Variants in CSPP1 observed in about 807,000 individuals in gnomAD.
CSPP1 encodes centrosome and spindle pole associated protein 1.
In CSPP1, 126 loss-of-function variants were observed where a neutral mutation model predicts 164.4. The observed-to-expected ratio is 0.77, with a 90% confidence interval of 0.66 to 0.89. The LOEUF (loss-of-function observed/expected upper bound fraction) is 0.89, where lower values mean the gene tolerates loss of function less well. Among genes scored for constraint, CSPP1 ranks in the 40% least tolerant of loss-of-function variants. The pLI is 0.00. For missense variants in CSPP1, 1,395 were observed against 1,449.8 expected, an observed-to-expected ratio of 0.96 and a Z score of 0.61; for synonymous variants, 472 against 476.7, an observed-to-expected ratio of 0.99 and a Z score of 0.13.
intron 15 of CSPP1, among the ~76,000 whole-genome samples, chr8:67,120,948 A>G (rs1818848424): frequency 6.6e-6 from 1 of 151,216 alleles, no homozygotes; most frequent in Admixed American, 6.6e-5. Flanking sequence ...CCGCCTCCTG[A>G]GTTCAAGTGA....
intron 28 of CSPP1, among the ~76,000 whole-genome samples, chr8:67,184,399 A>G (rs1380221947): frequency 6.6e-6 from 1 of 152,224 alleles, no homozygotes; most frequent in Non-Finnish European, 1.5e-5. Context: ...GTAAGCCTCT[A>G]GCCAAGCTAA....
chr8:67,073,439 G>A lies in CSPP1; in HGVS notation c.-10-804G>A, dbSNP rs142512643. Among the ~76,000 whole-genome samples the A allele has an allele frequency of 1.9e-3, 285 of 152,218 alleles. 4 individuals carry two copies. Among genetic ancestry groups the A allele is most frequent in the African/African-American group, 6.6e-3 (274 of 41,560 alleles). ...CTTTTACCTGTGTAAATTGGTAAAA[G>A]ACAAAGAAAGATGGTAGAGATAGAT... On this transcript the variant is annotated intron_variant, in intron 1 of 30. Coordinates refer to ENST00000678616, the MANE Select transcript of CSPP1 (RefSeq NM_001382391.1).
At chr8:67,184,736 T>TA (rs1289501293) in intron 28 of CSPP1, among the ~76,000 whole-genome samples, 8 of 128,480 alleles carry the variant, frequency 6.2e-5, no homozygotes, top group African/African-American at 2.8e-4. Context: ...AAAATAATAA[T>TA]AAAAAAATAT....
At chr8:67,154,652 C>T (rs750085386) in intron 19 of CSPP1, among the ~76,000 whole-genome samples, 25 of 152,124 alleles carry the variant, frequency 1.6e-4, no homozygotes, top group Admixed American at 7.2e-4. Context: ...AGGCGTGAGC[C>T]GCCACACCTG....
intron 15 of CSPP1, among the ~76,000 whole-genome samples, chr8:67,120,448 G>A (rs1818755394): frequency 6.6e-6 from 1 of 152,132 alleles, no homozygotes; most frequent in South Asian, 2.1e-4. Flanking sequence ...GAATCTTTGG[G>A]TAGTTTTGAC....
chr8:67,084,021 C>T (rs983567709), intron 3 of CSPP1: 12 of 152,214 alleles, frequency 7.9e-5, no homozygotes, highest in Admixed American at 3.9e-4. Flanking sequence ...AATTGAATAG[C>T]GCATGGGCCT....
At chr8:67,173,625 G>C (rs1830913960) in intron 25 of CSPP1, 1 of 151,720 alleles carries the variant, frequency 6.6e-6, no homozygotes, top group Non-Finnish European at 1.5e-5. Context: ...TTATCATTTT[G>C]GATGTTTTCT....
chr8:67,116,189 A>T, intron 13 of CSPP1, 67 bp downstream of exon 13: 3 of 1,115,208 alleles, frequency 2.7e-6, no homozygotes, highest in Non-Finnish European at 4.1e-6. Flanking sequence ...GTTTAGAAGG[A>T]TATACTGAAG....
intron 2 of CSPP1, among the ~76,000 whole-genome samples, chr8:67,075,078 C>T (rs888536500): frequency 3.3e-5 from 5 of 152,162 alleles, no homozygotes; most frequent in Non-Finnish European, 5.9e-5. Context: ...TGTGCCCGGC[C>T]TAAAATAATT....
chr8:67,085,695 A>G (rs1810251644), intron 3 of CSPP1, among the ~76,000 whole-genome samples: 1 of 152,144 alleles, frequency 6.6e-6, no homozygotes, highest in African/African-American at 2.4e-5. Context: ...AAATATGTAT[A>G]TGATAATATA....
At chr8:67,132,597 A>T (rs868132260) in intron 16 of CSPP1, among the ~76,000 whole-genome samples, 2 of 152,234 alleles carry the variant, frequency 1.3e-5, no homozygotes, top group Non-Finnish European at 2.9e-5. Flanking sequence ...TAGATAGTCC[A>T]GTAAGGAGGT....
At chr8:67,171,607 G>A (rs1830478023) in intron 24 of CSPP1, among the ~76,000 whole-genome samples, 1 of 152,098 alleles carries the variant, frequency 6.6e-6, no homozygotes, top group African/African-American at 2.4e-5. Flanking sequence ...GAGTGCAGTG[G>A]CGTGATCTTG....
chr8:67,095,190 C>A, intron 6 of CSPP1, 103 bp from the exon 7 acceptor site: 2 of 579,992 alleles, frequency 3.4e-6, no homozygotes, highest in Non-Finnish European at 5.8e-6. Flanking sequence ...AAATAAACAT[C>A]AGAGTTGAAA....
At chr8:67,190,102 A>G (rs985029360) in intron 28 of CSPP1, among the ~76,000 whole-genome samples, 2 of 152,200 alleles carry the variant, frequency 1.3e-5, no homozygotes, top group Non-Finnish European at 2.9e-5. Context: ...AAATGAGAAG[A>G]TATGTCCACA....
intron 30 of CSPP1, among the ~76,000 whole-genome samples, chr8:67,194,597 ACT>A (rs1027506360): frequency 6.6e-6 from 1 of 152,076 alleles, no homozygotes; most frequent in Non-Finnish European, 1.5e-5. Context: ...TAATGTCTAC[ACT>A]GTTTTTTAAC....
chr8:67,154,630 T>C (rs377019583), intron 19 of CSPP1, among the ~76,000 whole-genome samples: 1 of 152,118 alleles, frequency 6.6e-6, no homozygotes, highest in South Asian at 2.1e-4. Context: ...CCTCTCAAAG[T>C]GCTGGGATTA....
chr8:67,129,190 A>C (rs1820710706), intron 15 of CSPP1, among the ~76,000 whole-genome samples: 1 of 152,194 alleles, frequency 6.6e-6, no homozygotes, highest in African/African-American at 2.4e-5. Flanking sequence ...GGAGCCTATA[A>C]ACATGAAAAA....
chr8:67,128,262 G>A (rs1356360027), intron 15 of CSPP1, among the ~76,000 whole-genome samples: 3 of 152,100 alleles, frequency 2.0e-5, no homozygotes, highest in Non-Finnish European at 4.4e-5. Flanking sequence ...TTGTTGGCCG[G>A]GTGCAGTGGC....
intron 22 of CSPP1, 73 bp from the exon 23 acceptor site, chr8:67,163,658 CA>C: frequency 9.0e-7 from 1 of 1,114,466 alleles, no homozygotes; most frequent in South Asian, 1.4e-5. Context: ...ATAAATACTT[CA>C]AAAAATTACT....
Sources: allele counts gnomAD v4.1 joint callset (sites outside exome capture counted in the v4.1 genomes callset), GRCh38; gene constraint gnomAD v4.1.1; transcripts MANE v1.5; gene names NCBI Gene and HGNC (gene_info 2026-07-23, HGNC 2026-07-21).